Variants in EIF2AK3 observed in about 807,000 individuals in gnomAD.
EIF2AK3 encodes eukaryotic translation initiation factor 2-alpha kinase 3.
EIF2AK3 carries 50 observed loss-of-function variants against 113.5 expected under a neutral mutation model. The observed-to-expected ratio is 0.44, with a 90% CI of 0.35 to 0.56. EIF2AK3 has a LOEUF of 0.56. Ranked by LOEUF, EIF2AK3 falls within the 20% of genes least tolerant of loss-of-function variation. The pLI is 0.00. For missense variants in EIF2AK3, 1,185 were observed against 1,378.0 expected, an observed-to-expected ratio of 0.86 and a Z score of 2.22; for synonymous variants, 448 against 495.4, an observed-to-expected ratio of 0.90 and a Z score of 1.27.
rs1558648202 is a variant in EIF2AK3 at position 88,575,256 on chromosome 2, A to G, written c.2227T>C (p.Phe743Leu). 1 of 1,613,966 alleles carries G rather than the reference A, an allele frequency of 6.2e-7. No homozygotes were observed. Among genetic ancestry groups the G allele is most frequent in the East Asian group, 2.2e-5 (1 of 44,884 alleles). ...ATGTCCTCATGGTCCATTCCTGAGA[A>G]TTCCAGTGGTGAGAACTGGCTCTCA... Reference protein sequence around the residue: ...SSESQFSPLEFSGMDHEDISE... With the variant: ...SSESQFSPLELSGMDHEDISE... Residue 743 changes from phenylalanine to leucine, a missense_variant, in exon 13 of 17, where the codon TTC becomes CTC. Phe to Leu is a conservative substitution (Grantham distance 22). Transcript: ENST00000303236.
intron 2 of EIF2AK3, among the ~76,000 whole-genome samples, chr2:88,601,834 C>CTTTTTTTT (rs59987968): frequency 5.3e-5 from 4 of 74,862 alleles, no homozygotes; most frequent in African/African-American, 1.6e-4. Context: ...TAAGATTTTT[C>CTTTTTTTT]TTTTTTTTTT....
intron 2 of EIF2AK3, among the ~76,000 whole-genome samples, chr2:88,609,907 G>A (rs367548173): frequency 2.5e-5 from 3 of 120,120 alleles, no homozygotes; most frequent in Admixed American, 1.1e-4. Flanking sequence ...CCAGCAGTTC[G>A]AGATCAGCCT....
intron 2 of EIF2AK3, among the ~76,000 whole-genome samples, chr2:88,607,491 A>C (rs1675318559): frequency 1.3e-5 from 2 of 152,288 alleles, no homozygotes; most frequent in East Asian, 3.9e-4. Context: ...TAGCTTGGTT[A>C]TGTATCCACA....
intron 2 of EIF2AK3, among the ~76,000 whole-genome samples, chr2:88,604,757 T>C (rs775030276): frequency 6.6e-6 from 1 of 152,220 alleles, no homozygotes; most frequent in Admixed American, 6.5e-5. Flanking sequence ...AGAAGCAGTT[T>C]AGATGCTCAA....
At chr2:88,592,938 T>C (rs2104441780) in intron 4 of EIF2AK3, among the ~76,000 whole-genome samples, 1 of 152,190 alleles carries the variant, frequency 6.6e-6, no homozygotes, top group East Asian at 1.9e-4. Context: ...CGTCGGGAGT[T>C]GGACACCAGC....
Position 88,610,049 on chromosome 2 carries a change from G to C in EIF2AK3, c.438+3675C>G, listed in dbSNP as rs372161066. Among the ~76,000 whole-genome samples the C allele has an allele frequency of 2.3e-4, 35 of 151,534 alleles. 2 individuals are homozygous for C. Among genetic ancestry groups the C allele is most frequent in the East Asian group, 1.5e-3 (8 of 5,170 alleles). On this transcript the variant is annotated intron_variant, in intron 2 of 16. Transcript: ENST00000303236. ...AGGTGGAAGGACTGCTTGAGCCCAG[G>C]AGTTGGAGGCTACTGTGAGCTATGA... is the stretch of plus-strand genomic sequence containing the variant.
At chr2:88,561,767 G>T (rs1426167615) in intron 15 of EIF2AK3, among the ~76,000 whole-genome samples, 1 of 152,202 alleles carries the variant, frequency 6.6e-6, no homozygotes, top group African/African-American at 2.4e-5. Context: ...ACTGAGATGG[G>T]AGGATGGCTT....
chr2:88,562,172 A>T, intron 15 of EIF2AK3, 117 bp downstream of exon 15: 1 of 785,850 alleles, frequency 1.3e-6, no homozygotes, highest in Non-Finnish European at 2.2e-6. Context: ...CACCTCTTTC[A>T]CTTTTAGTTA....
chr2:88,583,030 T>C (rs1259320627), intron 10 of EIF2AK3, among the ~76,000 whole-genome samples: 1 of 152,144 alleles, frequency 6.6e-6, no homozygotes, highest in Non-Finnish European at 1.5e-5. Context: ...CTATTAGTGT[T>C]TTTTTCCCTA....
chr2:88,566,562 G>C (rs1373098876), intron 14 of EIF2AK3, among the ~76,000 whole-genome samples: 1 of 152,020 alleles, frequency 6.6e-6, no homozygotes, highest in Non-Finnish European at 1.5e-5. Context: ...AGGACGTGCA[G>C]GTCTGTTACA....
intron 2 of EIF2AK3, among the ~76,000 whole-genome samples, chr2:88,611,052 T>A (rs533464169): frequency 9.9e-4 from 151 of 152,250 alleles, no homozygotes; most frequent in Middle Eastern, 3.4e-3. Flanking sequence ...GAGCCCTCAA[T>A]AATTTTTTAG....
rs1674415071 is a variant in EIF2AK3 at position 88,574,955 on chromosome 2, G to A, written c.2528C>T (p.Thr843Ile). Residue 843 changes from threonine (T) to isoleucine (I), a missense_variant, in exon 13 of 17, where the codon ACC becomes ATC. Coordinates refer to ENST00000303236, the MANE Select transcript of EIF2AK3 (RefSeq NM_004836.7). ...AGCTTCAGAAGAAGATTTGCTACTGGTGGGCTTGAAAGCAGTTAGTTTATT... is the reference window on the plus strand; with the variant it reads ...AGCTTCAGAAGAAGATTTGCTACTGATGGGCTTGAAAGCAGTTAGTTTATT... ...CANKLTAFKP[T>I]SSKSSSEATL... 2 of 1,614,220 alleles carry A rather than the reference G, an allele frequency of 1.2e-6. No individual in the cohort carries two copies. The highest frequency in any genetic ancestry group is 1.7e-6 in the Non-Finnish European group (2 of 1,180,034).
chr2:88,599,069 T>C (rs972059207), intron 2 of EIF2AK3, among the ~76,000 whole-genome samples: 5 of 151,996 alleles, frequency 3.3e-5, no homozygotes, highest in Non-Finnish European at 7.4e-5. Context: ...GTCTGTAGTT[T>C]GAAATTATTT....
At chr2:88,619,845 T>C (rs903947967) in intron 1 of EIF2AK3, among the ~76,000 whole-genome samples, 2 of 151,558 alleles carry the variant, frequency 1.3e-5, no homozygotes, top group South Asian at 4.2e-4. Context: ...TCCCAGCTAA[T>C]TGGGAGAGGC....
chr2:88,585,809 G>C, intron 9 of EIF2AK3, 32 bp downstream of exon 9: 1 of 1,601,962 alleles, frequency 6.2e-7, no homozygotes, highest in Non-Finnish European at 8.5e-7. Context: ...TGGGGAAGTG[G>C]AAACCAGACA....
At chr2:88,575,569 A>G in intron 12 of EIF2AK3, 123 bp from the exon 13 acceptor site, 1 of 963,614 alleles carries the variant, frequency 1.0e-6, no homozygotes, top group Non-Finnish European at 1.6e-6. Context: ...ACAACAAAAC[A>G]ACATACAAAC....
intron 1 of EIF2AK3, among the ~76,000 whole-genome samples, chr2:88,621,987 C>T (rs115051566): frequency 7.1e-4 from 106 of 149,564 alleles, no homozygotes; most frequent in African/African-American, 2.5e-3. Flanking sequence ...AACTCTGCAT[C>T]CCGGGTTCAA....
intron 2 of EIF2AK3, among the ~76,000 whole-genome samples, chr2:88,598,073 G>A (rs1675060538): frequency 6.6e-6 from 1 of 152,152 alleles, no homozygotes; most frequent in African/African-American, 2.4e-5. Flanking sequence ...TGAAAAGGGT[G>A]AGGGCCACTG....
chr2:88,563,478 A>AG (rs1427351068), intron 14 of EIF2AK3, among the ~76,000 whole-genome samples: 11 of 152,202 alleles, frequency 7.2e-5, no homozygotes, highest in Admixed American at 6.5e-5. Context: ...CAAATCTTAT[A>AG]GGGGAACTGA....
Sources: gnomAD v4.1 joint callset for allele counts (sites outside exome capture counted in the v4.1 genomes callset) on GRCh38, gnomAD v4.1.1 for gene constraint, MANE v1.5 for transcripts, NCBI Gene and HGNC (gene_info 2026-07-23, HGNC 2026-07-21) for gene names.